FNBP4: variants seen among roughly 807,000 people sequenced by gnomAD.
FNBP4 encodes formin binding protein 4, also known as formin-binding protein 4.
Under a neutral mutation model 119.3 loss-of-function variants are expected in FNBP4, and 34 were observed. The ratio of observed to expected loss-of-function variants is 0.28; its 90% CI spans 0.22 to 0.38. The LOEUF (loss-of-function observed/expected upper bound fraction) is 0.38. Among genes scored for constraint, FNBP4 ranks in the 10% least tolerant of loss-of-function variants. The pLI is 1.00. For missense variants in FNBP4, 1,112 were observed against 1,228.9 expected (o/e 0.90, Z 1.42); for synonymous variants, 462 against 430.6 (o/e 1.07, Z -0.90).
Position 47,723,154 on chromosome 11 carries a change from T to A in FNBP4, c.2627A>T (p.Glu876Val). ...AGTCACTCCAATTGGGACAGAACATTCTGCATAACTCATAATTGCAGGTGC... is the reference window on the plus strand; with the variant it reads ...AGTCACTCCAATTGGGACAGAACATACTGCATAACTCATAATTGCAGGTGC... Reference protein sequence around the residue: ...AAAPAIMSYAECSVPIGVTAP... With the variant: ...AAAPAIMSYAVCSVPIGVTAP... The change falls in exon 15 of 17, where the codon GAA becomes GTA. Residue 876 changes from glutamate (E) to valine (V), a missense_variant. Coordinates refer to ENST00000263773, the MANE Select transcript of FNBP4 (RefSeq NM_015308.5). 6.2e-7 allele frequency: 1 copy of A among 1,614,034 alleles called. No homozygotes were observed. Among genetic ancestry groups the A allele is most frequent in the Non-Finnish European group, 8.5e-7 (1 of 1,180,016 alleles).
At chr11:47,722,562 C>G (rs1182625953) in intron 15 of FNBP4, among the ~76,000 whole-genome samples, 2 of 151,844 alleles carry the variant, frequency 1.3e-5, no homozygotes, top group African/African-American at 4.8e-5. Context: ...TAAGGTCCCC[C>G]CACTGAGAAA....
Position 47,723,727 on chromosome 11 carries a change from G to A in FNBP4, c.2464+301C>T, listed in dbSNP as rs113579883. The stretch of plus-strand genomic sequence containing the variant: ...CTACAGGTGCAGACTACCATGCCTG[G>A]CTATTTTTGGTCTTTTTTGTAGACA... On this transcript the variant is annotated intron_variant, in intron 14 of 16. Coordinates refer to ENST00000263773, the MANE Select transcript of FNBP4 (RefSeq NM_015308.5). Among the ~76,000 whole-genome samples, 1,238 of 152,122 alleles carry A rather than the reference G, an allele frequency of 8.1e-3. 20 individuals carry two copies. Among genetic ancestry groups the A allele is most frequent in the African/African-American group, 0.028 (1,163 of 41,488 alleles).
rs763503558 is a variant in FNBP4 at position 47,717,500 on chromosome 11, C to T, written c.2976G>A (p.Glu992=). ...KQQQLVSGMA[E]RNANFEALPE... is the part of the protein sequence containing the mutation. ...GAAGGGCTTCAAAATTAGCATTTCT[C>T]TCTGCCATGCCACTGTGAAAACAAC... The change falls in exon 17 of 17, where the codon GAG becomes GAA. Residue 992 remains glutamate (E), a synonymous_variant. Transcript: ENST00000263773. 2 of 1,612,338 alleles carry T rather than the reference C, an allele frequency of 1.2e-6. No individual in the cohort carries two copies. The highest frequency in any genetic ancestry group is 1.1e-5 in the South Asian group (1 of 90,994).
intron 12 of FNBP4, among the ~76,000 whole-genome samples, chr11:47,728,222 A>G (rs1405734653): frequency 1.3e-5 from 2 of 151,918 alleles, no homozygotes; most frequent in African/African-American, 4.8e-5. Flanking sequence ...CTACAAGCTT[A>G]AAACTGAATA....
chr11:47,738,847 A>ATTTT (rs71045510), intron 8 of FNBP4, among the ~76,000 whole-genome samples: 1,892 of 110,742 alleles, frequency 0.017, 247 homozygotes, highest in Non-Finnish European at 0.029. Context: ...TGCCCAGGTA[A>ATTTT]TTTTTTTTTT....
intron 6 of FNBP4, among the ~76,000 whole-genome samples, chr11:47,749,688 C>T (rs1235519770): frequency 1.3e-5 from 2 of 152,124 alleles, no homozygotes; most frequent in East Asian, 1.9e-4. Context: ...TATAGAAATG[C>T]TCAGGTTTCA....
At chr11:47,753,226 G>A in intron 3 of FNBP4, 124 bp from the exon 4 acceptor site, 1 of 670,462 alleles carries the variant, frequency 1.5e-6, no homozygotes, top group Non-Finnish European at 2.4e-6. Context: ...TACAGTTCCA[G>A]CACTTTGGGA....
At position 47,732,062 on chromosome 11, in the gene FNBP4, T is replaced by C; in HGVS notation, c.1820+475A>G. 2 of 991,470 alleles carry C rather than the reference T, an allele frequency of 2.0e-6. No individual in the cohort carries two copies. Among genetic ancestry groups the C allele is most frequent in the Non-Finnish European group, 2.4e-6 (2 of 834,400 alleles). The allele number at this position is 991,470 out of a possible 1,614,324, so 61.4% of individuals were successfully genotyped here. A position where few individuals can be genotyped will look rare whatever the true frequency, so the allele number is the denominator to read the frequency against. On this transcript the variant is annotated intron_variant, in intron 11 of 16. Transcript: ENST00000263773. This position sits in a 1 kb window ranked among gnomAD's most constrained non-coding sequence, Gnocchi z 4.2. The stretch of plus-strand genomic sequence containing the variant: ...AAAATAAAAGAGCAAAGATTTCAAA[T>C]AACGAAAAAAAAATCAAGAAAAGCC...
intron 10 of FNBP4, among the ~76,000 whole-genome samples, chr11:47,733,010 C>G (rs753726576): frequency 5.9e-5 from 9 of 152,024 alleles, no homozygotes; most frequent in Non-Finnish European, 4.4e-5. Flanking sequence ...CCCAGCTACT[C>G]GAGAGGCTGA....
chr11:47,753,357 T>C (rs926755117), intron 3 of FNBP4, among the ~76,000 whole-genome samples: 1 of 152,124 alleles, frequency 6.6e-6, no homozygotes, highest in Non-Finnish European at 1.5e-5. Context: ...ACGCCTGTAA[T>C]CCCAGCATTC....
In FNBP4 at chr11:47,736,712, T is replaced by A; in HGVS notation, c.1485A>T (p.Ile495=). 1 of 1,603,902 alleles carries A rather than the reference T, an allele frequency of 6.2e-7. No homozygotes were observed. The highest frequency in any genetic ancestry group is 8.5e-7 in the Non-Finnish European group (1 of 1,173,096). ...CCATCTCTTTATCTGAATTCTCATC[T>A]ATTTTTTCTGAATTTTCAGCACCAA... The part of the protein sequence containing the change: ...TAIGAENSEK[I]DENSDKEMEV... Residue 495 remains isoleucine, a synonymous_variant, in exon 9 of 17, where the codon ATA becomes ATT. Transcript: ENST00000263773.
At chr11:47,759,244 T>C (rs1218315152) in intron 2 of FNBP4, among the ~76,000 whole-genome samples, 1 of 136,960 alleles carries the variant, frequency 7.3e-6, no homozygotes, top group East Asian at 2.2e-4. Context: ...GGAGTTTCGC[T>C]CTTCTTGCCC....
intron 8 of FNBP4, among the ~76,000 whole-genome samples, chr11:47,738,298 G>A (rs1419250562): frequency 6.6e-6 from 1 of 152,158 alleles, no homozygotes; most frequent in African/African-American, 2.4e-5. Context: ...CGGGCATGGT[G>A]CCTCACGCCT....
Position 47,746,037 on chromosome 11 carries a change from G to A in FNBP4, c.1245+19C>T, listed in dbSNP as rs1483963048. 5 of 1,571,220 alleles carry A rather than the reference G, an allele frequency of 3.2e-6. No homozygotes were observed. Among genetic ancestry groups the A allele is most frequent in the African/African-American group, 2.7e-5 (2 of 72,942 alleles). Reference sequence around the variant, plus strand: ...GTACTGAGGAAAAAACATTCTACAAGTAACTTTCAAAAGCTTACTTTTTTC... The same window carrying A: ...GTACTGAGGAAAAAACATTCTACAAATAACTTTCAAAAGCTTACTTTTTTC... On this transcript the variant is annotated intron_variant, in intron 7 of 16. Transcript: ENST00000263773.
intron 6 of FNBP4, among the ~76,000 whole-genome samples, chr11:47,747,841 G>A (rs1177800399): frequency 6.6e-6 from 1 of 152,092 alleles, no homozygotes. Context: ...CCAGCTATTC[G>A]GGAGGCTGAG....
intron 1 of FNBP4, 114 bp downstream of exon 1, chr11:47,766,955 G>T (rs2097648908): frequency 1.4e-6 from 2 of 1,384,152 alleles, no homozygotes; most frequent in Non-Finnish European, 9.3e-7. Flanking sequence ...CCCGCAGCAG[G>T]CAGGCCTCGG....
chr11:47,729,347 T>A (rs1346109167), intron 12 of FNBP4: 15 of 985,392 alleles, frequency 1.5e-5, no homozygotes, highest in Non-Finnish European at 1.8e-5. Context: ...AAAAGATATG[T>A]TGGATATCTT....
intron 2 of FNBP4, among the ~76,000 whole-genome samples, chr11:47,756,557 T>C (rs940012075): frequency 6.6e-6 from 1 of 152,122 alleles, no homozygotes. Context: ...TTGTTGTTGT[T>C]GTTATACTTT....
rs201037282 is a variant in FNBP4, at chr11:47,746,370, G to C, written c.931C>G (p.Leu311Val). Residue 311 changes from leucine (L) to valine (V), a missense_variant, in exon 7 of 17, where the codon CTC becomes GTC. By Grantham distance (32) the Leu-to-Val change is conservative. Around this residue, in one of 2 missense-constraint regions of FNBP4, gnomAD observed 826 missense variants for 988.8 expected, o/e 0.84. Coordinates refer to ENST00000263773, the MANE Select transcript of FNBP4 (RefSeq NM_015308.5). ...TTCTTCTCCTCCTCACTATTTGAGA[G>C]AGCCTGAATTCCTTCATTTACTTCC... is the stretch of plus-strand genomic sequence containing the variant. ...KKEVNEGIQA[L>V]SNSEEEKKGV... 1 of 1,602,732 alleles carries C rather than the reference G, an allele frequency of 6.2e-7. No homozygotes were observed. The highest frequency in any genetic ancestry group is 8.5e-7 in the Non-Finnish European group (1 of 1,176,994).
Sources: gnomAD v4.1 joint callset for allele counts (sites outside exome capture counted in the v4.1 genomes callset) on GRCh38, gnomAD v4.1.1 for gene constraint, gnomAD v4.1.1 regional missense constraint, Gnocchi (gnomAD v3.1) non-coding constraint, MANE v1.5 for transcripts, NCBI Gene and HGNC (gene_info 2026-07-23, HGNC 2026-07-21) for gene names.